The following SMARCE1 variants were observed in gnomAD, a reference collection of about 807,000 sequenced individuals.
The protein encoded by SMARCE1 is SWI/SNF-related matrix-associated actin-dependent regulator of chromatin subfamily E member 1.
A neutral mutation model predicts 54.9 loss-of-function variants in SMARCE1; 13 were observed. The ratio of observed to expected loss-of-function variants is 0.24; its 90% confidence interval spans 0.15 to 0.38. The LOEUF (loss-of-function observed/expected upper bound fraction) is 0.38. Among genes scored for constraint, SMARCE1 ranks in the 10% least tolerant of loss-of-function variants. The pLI is 1.00. For synonymous variants in SMARCE1, 151 were observed against 175.3 expected (o/e 0.86, Z 1.10); for missense variants, 295 against 523.8 (o/e 0.56, Z 4.26).
intron 8 of SMARCE1, 167 bp from the exon 9 acceptor site, chr17:40,631,860 G>T: frequency 1.7e-6 from 1 of 576,082 alleles, no homozygotes; most frequent in South Asian, 2.4e-5. Context: ...TGATCAATAG[G>T]TAAATGTTAA....
chr17:40,637,561 A>G lies in SMARCE1; in HGVS notation c.168T>C (p.Gly56=), dbSNP rs773059312. The part of the protein sequence containing the change: ...GTNSRVTASS[G]ITIPKPPKPP... ...GCTTTGGGGGTTTTGGAATCGTGAT[A>G]CCAGAGGATGCCTACGAAAGAGTTA... The change falls in exon 5 of 11, where the codon GGT becomes GGC. Residue 56 remains glycine, a synonymous_variant. Transcript: ENST00000348513. 15 of 1,613,026 alleles carry G rather than the reference A, an allele frequency of 9.3e-6. No individual in the cohort carries two copies. The highest frequency in any genetic ancestry group is 1.3e-5 in the Non-Finnish European group (15 of 1,179,220).
rs1238364879 is a variant in SMARCE1, at chr17:40,626,545, T to A, written c.*2240A>T. ...CACTCTGACCAAGTGGATTTTTACA[T>A]CAATCTTCCCCTGCTGAGGTTCAGA... On this transcript the variant is annotated 3_prime_UTR_variant, in exon 11 of 11. Coordinates refer to ENST00000348513, the MANE Select transcript of SMARCE1 (RefSeq NM_003079.5). The A allele has an allele frequency of 6.6e-6, 1 of 152,106 alleles. No individual in the cohort carries two copies. The highest frequency in any genetic ancestry group is 1.5e-5 in the Non-Finnish European group (1 of 68,036). The allele number at this position is 152,106 out of a possible 1,614,324, so 9.4% of individuals were successfully genotyped here.
rs747318581 is a variant in SMARCE1, at chr17:40,630,932, G to GA, written c.817-9dup. Reference sequence around the variant, plus strand: ...TACTTTCAGACCGCACAACTAATCAGAAAAAAACAGAACTCCGTAATGTTT... The same window carrying GA: ...TACTTTCAGACCGCACAACTAATCAGAAAAAAAACAGAACTCCGTAATGTTT... On this transcript the variant is annotated splice_polypyrimidine_tract_variant and intron_variant, in intron 9 of 10. Transcript: ENST00000348513. 2.5e-6 allele frequency: 4 copies of GA among 1,598,432 alleles called. No individual in the cohort carries two copies. Among genetic ancestry groups the GA allele is most frequent in the African/African-American group, 1.3e-5 (1 of 74,270 alleles).
intron 4 of SMARCE1, chr17:40,641,180 T>G (rs1218583553): frequency 6.6e-6 from 1 of 152,226 alleles, no homozygotes; most frequent in African/African-American, 2.4e-5. Context: ...AACTGAAATG[T>G]TCTTTATCAT....
chr17:40,632,708 A>C (rs182964323), intron 7 of SMARCE1: 1 of 210,330 alleles, frequency 4.8e-6, no homozygotes, highest in Non-Finnish European at 9.4e-6. Context: ...ATTCTGCCCA[A>C]TGTTTCACTC....
chr17:40,625,047 A>G lies in SMARCE1; in HGVS notation c.*3738T>C, dbSNP rs1332810499. On this transcript the variant is annotated 3_prime_UTR_variant, in exon 11 of 11. Transcript: ENST00000348513. ...AAGTGTAGGTCATTCTGGCAAATAG[A>G]AAGTTCCATCATTTCACACTTAGAA... 2.6e-5 allele frequency: 4 copies of G among 152,244 alleles called. No individual in the cohort carries two copies. The highest frequency in any genetic ancestry group is 4.1e-4 in the South Asian group (2 of 4,834). The allele number at this position is 152,244 out of a possible 1,614,324, so 9.4% of individuals were successfully genotyped here. A position where few individuals can be genotyped will look rare whatever the true frequency, so the allele number is the denominator to read the frequency against.
intron 3 of SMARCE1, chr17:40,644,708 A>G (rs917251540): frequency 6.6e-5 from 10 of 152,204 alleles, no homozygotes; most frequent in Non-Finnish European, 1.5e-4. Context: ...TTTAGCGGAG[A>G]AAACTAAGTT....
chr17:40,634,043 A>C (rs2037122420), intron 7 of SMARCE1: 2 of 152,222 alleles, frequency 1.3e-5, no homozygotes, highest in Admixed American at 6.5e-5. Flanking sequence ...TTATGATCTA[A>C]TTGAACAGCT....
At chr17:40,646,955 A>G (rs183563364) in intron 1 of SMARCE1, among the ~76,000 whole-genome samples, 1 of 152,270 alleles carries the variant, frequency 6.6e-6, no homozygotes, top group Non-Finnish European at 1.5e-5. Flanking sequence ...TCTGGTGTAG[A>G]TTTCCTTTCT....
At chr17:40,630,139 A>G in intron 10 of SMARCE1, 1 of 806,588 alleles carries the variant, frequency 1.2e-6, no homozygotes. Flanking sequence ...CAAAATTACA[A>G]GTGACGATCA....
At position 40,628,855 on chromosome 17, in the gene SMARCE1, G is replaced by A. The variant is rs376181802; in HGVS notation, c.1166C>T (p.Ser389Leu). The change falls in exon 11 of 11, where the codon TCG (serine) becomes TTG (leucine). Residue 389 changes from serine to leucine, a missense_variant. Ser to Leu is a moderately radical substitution (Grantham distance 145). Transcript: ENST00000348513. The part of the protein sequence containing the change: ...EEGTSDSNTG[S>L]ESNSATVEEP... ...CTCCACTGTTGCACTGTTGCTCTCC[G>A]AGCCAGTGTTACTATCACTGGTTCC... 3.1e-6 allele frequency: 5 copies of A among 1,613,720 alleles called. No individual in the cohort carries two copies. The highest frequency in any genetic ancestry group is 1.1e-5 in the South Asian group (1 of 91,058).
chr17:40,636,382 G>A lies in SMARCE1; in HGVS notation c.369+13C>T, dbSNP rs1342050767. ...TTACACATTATCTATCCCACTGTGA[G>A]CCCCTACCCTACCTTTTCTGCTTCG... is the stretch of plus-strand genomic sequence containing the variant. On this transcript the variant is annotated intron_variant, in intron 6 of 10. Coordinates refer to ENST00000348513, the MANE Select transcript of SMARCE1 (RefSeq NM_003079.5). The A allele has an allele frequency of 1.9e-6, 3 of 1,608,996 alleles. No homozygotes were observed. Among genetic ancestry groups the A allele is most frequent in the African/African-American group, 1.3e-5 (1 of 74,834 alleles).
chr17:40,640,727 A>T (rs1472180589), intron 4 of SMARCE1: 1 of 152,242 alleles, frequency 6.6e-6, no homozygotes, highest in Non-Finnish European at 1.5e-5. Flanking sequence ...ATTTGGTGTT[A>T]AGAGGACAAT....
At position 40,625,401 on chromosome 17, in the gene SMARCE1, G is replaced by A. The variant is rs2037025191; in HGVS notation, c.*3384C>T. On this transcript the variant is annotated 3_prime_UTR_variant, in exon 11 of 11. Transcript: ENST00000348513. ...CAAAGACGTTAAGCCCTCCAAATGT[G>A]CAAATCATGAAGTCAGTTGTTGTTC... 1 of 152,206 alleles carries A rather than the reference G, an allele frequency of 6.6e-6. No individual in the cohort carries two copies. Among genetic ancestry groups the A allele is most frequent in the African/African-American group, 2.4e-5 (1 of 41,448 alleles). 9.4% of individuals were successfully genotyped at this position (152,206 alleles called of 1,614,324 possible). A position where few individuals can be genotyped will look rare whatever the true frequency, so the allele number is the denominator to read the frequency against.
chr17:40,629,656 G>T, intron 10 of SMARCE1: 2 of 464,198 alleles, frequency 4.3e-6, no homozygotes, highest in South Asian at 1.1e-4. Flanking sequence ...GACAGAATCT[G>T]AGTAAAGACC....
chr17:40,636,644 C>T (rs1163907012), intron 5 of SMARCE1, 118 bp from the exon 6 acceptor site: 4 of 759,952 alleles, frequency 5.3e-6, no homozygotes, highest in African/African-American at 3.5e-5. Context: ...TATCAAATTT[C>T]TAGGTACTCA....
intron 9 of SMARCE1, 94 bp downstream of exon 9, chr17:40,631,498 C>T (rs2037095202): frequency 1.5e-6 from 1 of 676,722 alleles, no homozygotes; most frequent in South Asian, 1.9e-5. Flanking sequence ...AAGTGAACAA[C>T]ATTCAATAAA....
chr17:40,629,628 G>GT (rs2037070110), intron 10 of SMARCE1: 2 of 661,944 alleles, frequency 3.0e-6, no homozygotes, highest in South Asian at 7.7e-5. Flanking sequence ...TTTTCTTCAG[G>GT]TTTTTTCCTT....
intron 3 of SMARCE1, chr17:40,645,136 T>C (rs1050812405): frequency 5.1e-5 from 11 of 216,696 alleles, no homozygotes; most frequent in African/African-American, 2.5e-4. Flanking sequence ...AATGAGTAGT[T>C]TCAGAAGCTT....
Sources: gnomAD v4.1 joint callset for allele counts (sites outside exome capture counted in the v4.1 genomes callset) on GRCh38, gnomAD v4.1.1 for gene constraint, MANE v1.5 for transcripts, NCBI Gene and HGNC (gene_info 2026-07-23, HGNC 2026-07-21) for gene names.